The following ABAT variants were observed in gnomAD, a reference collection of about 807,000 sequenced individuals.
ABAT encodes 4-aminobutyrate aminotransferase, mitochondrial.
ABAT carries 45 observed loss-of-function variants against 64.6 expected under a neutral mutation model. The ratio of observed to expected loss-of-function variants is 0.70; its 90% CI spans 0.55 to 0.89. The LOEUF (loss-of-function observed/expected upper bound fraction) is 0.89. Among genes scored for constraint, ABAT ranks in the 40% least tolerant of loss-of-function variants. The probability of loss-of-function intolerance (pLI) is 0.00; values close to 1 mark genes in which losing one functional copy is unlikely to be tolerated. For missense variants in ABAT, 633 were observed against 658.4 expected (o/e 0.96, Z 0.42); for synonymous variants, 297 against 250.5 (o/e 1.19, Z -1.75).
chr16:8,775,966 A>G (rs1047096998), intron 13 of ABAT, among the ~76,000 whole-genome samples: 3 of 152,202 alleles, frequency 2.0e-5, no homozygotes, highest in African/African-American at 7.2e-5. Flanking sequence ...CGTTTGCCTT[A>G]GACAAATCAC....
intron 1 of ABAT, among the ~76,000 whole-genome samples, chr16:8,702,849 G>T (rs751609097): frequency 2.0e-5 from 3 of 152,144 alleles, no homozygotes; most frequent in Non-Finnish European, 4.4e-5. Context: ...CACAGCCCAT[G>T]AGAGGAGAAG....
intron 1 of ABAT, among the ~76,000 whole-genome samples, chr16:8,692,770 C>T (rs1052181818): frequency 6.6e-6 from 1 of 152,182 alleles, no homozygotes; most frequent in East Asian, 1.9e-4. Flanking sequence ...TGCGGGGGTT[C>T]GGCTACCTGG....
chr16:8,687,925 G>T (rs969712694), intron 1 of ABAT, among the ~76,000 whole-genome samples: 1 of 151,792 alleles, frequency 6.6e-6, no homozygotes, highest in Non-Finnish European at 1.5e-5. Context: ...AGAGACAGGG[G>T]TCTCACTCTG....
intron 1 of ABAT, among the ~76,000 whole-genome samples, chr16:8,686,275 T>G (rs536383983): frequency 6.6e-6 from 1 of 152,214 alleles, no homozygotes; most frequent in South Asian, 2.1e-4. Flanking sequence ...CATGCAAATT[T>G]GCATGCCTGG....
intron 1 of ABAT, among the ~76,000 whole-genome samples, chr16:8,691,867 C>T (rs574474928): frequency 2.0e-5 from 3 of 152,310 alleles, no homozygotes; most frequent in South Asian, 2.1e-4. Flanking sequence ...CTCCTCCCTC[C>T]GCAACAAAGA....
chr16:8,769,259 G>A (rs988603482), intron 11 of ABAT, among the ~76,000 whole-genome samples: 4 of 152,154 alleles, frequency 2.6e-5, no homozygotes, highest in Non-Finnish European at 5.9e-5. Context: ...TAAAATAAGA[G>A]AAAACAGATC....
intron 5 of ABAT, among the ~76,000 whole-genome samples, chr16:8,755,084 T>C (rs2059612788): frequency 6.6e-6 from 1 of 152,236 alleles, no homozygotes; most frequent in African/African-American, 2.4e-5. Context: ...GCACGTTCTT[T>C]CTTTCTTTTC....
At chr16:8,739,298 C>G (rs1731025) in intron 2 of ABAT, among the ~76,000 whole-genome samples, 151,094 of 152,346 alleles carry the variant, frequency 0.99, 74,933 homozygotes, top group East Asian at 1. Context: ...TGGATTGCTA[C>G]CTTCACCACA....
In ABAT at chr16:8,736,110, C is replaced by T. The variant is rs143538386; in HGVS notation, c.70+301C>T. The T allele has an allele frequency of 7.7e-4, 323 of 419,160 alleles. 2 individuals carry two copies. Among genetic ancestry groups the T allele is most frequent in the African/African-American group, 6.0e-3 (297 of 49,546 alleles). 26.0% of individuals were successfully genotyped at this position (419,160 alleles called of 1,614,324 possible). ...TCTTACATGGCTACAGGCAAGAGAG[C>T]ATGTGCAGGGGAACTCCCGTTTGTA... On this transcript the variant is annotated intron_variant, in intron 2 of 15. Coordinates refer to ENST00000268251, the MANE Select transcript of ABAT (RefSeq NM_020686.6).
In ABAT at chr16:8,776,270, G is replaced by A. The variant is rs2060260802; in HGVS notation, c.1123-74G>A. On this transcript the variant is annotated intron_variant, in intron 13 of 15. Transcript: ENST00000268251. This position sits in a 1 kb window ranked among gnomAD's most constrained non-coding sequence, Gnocchi z 4.4. ...TCTCTCCTCTTCAAGAGAGGAGGCG[G>A]GGCGCCTGGGGTAAGTGACTCCTGC... is the stretch of plus-strand genomic sequence containing the variant. The A allele has an allele frequency of 3.1e-6, 5 of 1,605,250 alleles. No homozygotes were observed. The Admixed American group carries it at 6.7e-5, about 21-fold the overall frequency.
intron 1 of ABAT, among the ~76,000 whole-genome samples, chr16:8,721,413 C>T (rs1192839631): frequency 1.3e-5 from 2 of 152,280 alleles, no homozygotes; most frequent in East Asian, 3.9e-4. Flanking sequence ...AGAGCTTCCC[C>T]CGGTGCCCAG....
chr16:8,723,102 G>T (rs987771072), intron 1 of ABAT, among the ~76,000 whole-genome samples: 2 of 152,050 alleles, frequency 1.3e-5, no homozygotes, highest in African/African-American at 2.4e-5. Flanking sequence ...GTGTGGTGGC[G>T]TGCCCCTGTA....
intron 5 of ABAT, among the ~76,000 whole-genome samples, chr16:8,752,719 A>T (rs1336630298): frequency 6.6e-6 from 1 of 152,124 alleles, no homozygotes; most frequent in Non-Finnish European, 1.5e-5. Flanking sequence ...GTGGGCTATG[A>T]TCACTCCACT....
intron 14 of ABAT, among the ~76,000 whole-genome samples, chr16:8,779,220 G>A (rs1003581470): frequency 1.3e-5 from 2 of 152,244 alleles, no homozygotes; most frequent in African/African-American, 2.4e-5. Flanking sequence ...TATACAGTGA[G>A]AGGGACAGAG....
intron 5 of ABAT, among the ~76,000 whole-genome samples, chr16:8,754,559 C>T (rs191884902): frequency 2.9e-4 from 44 of 152,224 alleles, no homozygotes; most frequent in East Asian, 1.9e-3. Context: ...TCAGCAAGCT[C>T]GTTTTGCACA....
rs1352432879 is a variant in ABAT at position 8,784,070 on chromosome 16, C to T, written c.*2640C>T. The T allele has an allele frequency of 1.3e-5, 2 of 152,458 alleles. No individual in the cohort carries two copies. The highest frequency in any genetic ancestry group is 2.9e-5 in the Non-Finnish European group (2 of 68,038). The allele number at this position is 152,458 out of a possible 1,614,324, so 9.4% of individuals were successfully genotyped here. On this transcript the variant is annotated 3_prime_UTR_variant, in exon 16 of 16. Coordinates refer to ENST00000268251, the MANE Select transcript of ABAT (RefSeq NM_020686.6). ...GAAACTCAGCAGAAGCTGGTAAAAA[C>T]ATGGGGAGCCCGGAGGACAGGCTGC...
chr16:8,682,535 A>T (rs921571771), intron 1 of ABAT, among the ~76,000 whole-genome samples: 2 of 152,142 alleles, frequency 1.3e-5, no homozygotes, highest in Non-Finnish European at 2.9e-5. Flanking sequence ...ATTATGATTT[A>T]GTAGAATCAC....
At chr16:8,724,579 T>C (rs575530521) in intron 1 of ABAT, among the ~76,000 whole-genome samples, 1 of 151,628 alleles carries the variant, frequency 6.6e-6, no homozygotes, top group African/African-American at 2.4e-5. Flanking sequence ...AAAAAAGAAA[T>C]ACAAAGATTA....
intron 6 of ABAT, among the ~76,000 whole-genome samples, chr16:8,758,191 G>A: frequency 6.6e-6 from 1 of 152,144 alleles, no homozygotes; most frequent in East Asian, 1.9e-4. Context: ...AGGTACTTTT[G>A]TTATCCCCAT....
Sources: allele counts gnomAD v4.1 joint callset (sites outside exome capture counted in the v4.1 genomes callset), GRCh38; gene constraint gnomAD v4.1.1; non-coding constraint Gnocchi (gnomAD v3.1); transcripts MANE v1.5; gene names NCBI Gene and HGNC (gene_info 2026-07-23, HGNC 2026-07-21).